Variants in CFAP251 observed in about 807,000 individuals in gnomAD.
CFAP251 encodes the protein cilia- and flagella-associated protein 251.
A neutral mutation model predicts 126.7 loss-of-function variants in CFAP251; 93 were observed. That is an observed-to-expected ratio of 0.73 (90% CI 0.62 to 0.87). The LOEUF (loss-of-function observed/expected upper bound fraction) is 0.87, where lower values mean the gene tolerates loss of function less well. CFAP251 is among the 40% of genes least tolerant of loss of function. The pLI, the probability that CFAP251 is intolerant of heterozygous loss-of-function variation, is 0.00. For missense variants in CFAP251, 1,287 were observed against 1,389.2 expected (o/e 0.93, Z 1.17); for synonymous variants, 503 against 506.9 (o/e 0.99, Z 0.10).
intron 3 of CFAP251, among the ~76,000 whole-genome samples, chr12:121,927,128 AT>A (rs149398646): frequency 0.013 from 1,941 of 150,564 alleles, 44 homozygotes; most frequent in African/African-American, 0.045. Context: ...CATGTACAAC[AT>A]GTTATCTGTG....
At chr12:121,940,740 GA>G (rs1881078439) in intron 5 of CFAP251, among the ~76,000 whole-genome samples, 1 of 152,124 alleles carries the variant, frequency 6.6e-6, no homozygotes, top group South Asian at 2.1e-4. Context: ...GGCTGTGTTG[GA>G]ATCATACAGC....
intron 20 of CFAP251, among the ~76,000 whole-genome samples, chr12:122,001,144 A>G (rs959805433): frequency 6.7e-5 from 10 of 148,910 alleles, no homozygotes; most frequent in African/African-American, 2.5e-4. Flanking sequence ...GCAACCTCCA[A>G]CTCCAGGGTT....
chr12:121,923,014 C>T (rs1444903157), intron 2 of CFAP251, among the ~76,000 whole-genome samples: 2 of 151,972 alleles, frequency 1.3e-5, no homozygotes, highest in East Asian at 3.9e-4. Flanking sequence ...CCAGGATGGT[C>T]TCGATCTCCT....
intron 20 of CFAP251, among the ~76,000 whole-genome samples, chr12:122,000,686 A>G (rs1288876212): frequency 6.6e-6 from 1 of 152,204 alleles, no homozygotes; most frequent in Non-Finnish European, 1.5e-5. Flanking sequence ...GAGGATGTCA[A>G]GTAAACTCTC....
At chr12:121,991,324 C>T (rs982380793) in intron 19 of CFAP251, among the ~76,000 whole-genome samples, 4 of 152,186 alleles carry the variant, frequency 2.6e-5, no homozygotes, top group South Asian at 2.1e-4. Context: ...AGAATTAGAG[C>T]GTGCACCGCA....
intron 7 of CFAP251, among the ~76,000 whole-genome samples, chr12:121,947,464 C>A (rs986460010): frequency 2.0e-5 from 3 of 151,804 alleles, no homozygotes; most frequent in Admixed American, 1.3e-4. Flanking sequence ...TTTTTCTTTT[C>A]TTTTCTTTTC....
chr12:121,957,349 C>A (rs751893517), intron 11 of CFAP251, 81 bp downstream of exon 11: 60 of 1,363,418 alleles, frequency 4.4e-5, no homozygotes, highest in Non-Finnish European at 7.0e-6. Context: ...GTGGGAGGTT[C>A]GTGTTGTTCC....
At chr12:121,958,781 C>T (rs540812189) in intron 12 of CFAP251, among the ~76,000 whole-genome samples, 162 bp from the exon 13 acceptor site, 37 of 152,386 alleles carry the variant, frequency 2.4e-4, no homozygotes, top group South Asian at 1.4e-3. Context: ...CGTCTCTGCG[C>T]GCTCACCCCA....
chr12:121,965,279 T>C (rs1882081873), intron 15 of CFAP251, among the ~76,000 whole-genome samples: 3 of 152,218 alleles, frequency 2.0e-5, no homozygotes, highest in Non-Finnish European at 2.9e-5. Flanking sequence ...ATAAAAATGA[T>C]TGATAGTGCT....
chr12:121,924,766 G>T (rs974314236), intron 3 of CFAP251, among the ~76,000 whole-genome samples: 2 of 152,048 alleles, frequency 1.3e-5, no homozygotes, highest in African/African-American at 4.8e-5. Flanking sequence ...TAAGAGCTCC[G>T]ACTGGAACAC....
At chr12:121,962,624 G>T (rs1881977495) in intron 15 of CFAP251, among the ~76,000 whole-genome samples, 1 of 151,940 alleles carries the variant, frequency 6.6e-6, no homozygotes, top group African/African-American at 2.4e-5. Context: ...TTACATGTTG[G>T]CGGGGGCAGG....
chr12:121,959,150 A>G (rs1372149650), intron 13 of CFAP251, 56 bp downstream of exon 13: 10 of 1,512,690 alleles, frequency 6.6e-6, no homozygotes, highest in East Asian at 2.3e-5. Context: ...TTTGAAACCA[A>G]AAGAGGCCAG....
At chr12:122,002,710 C>G (rs756704365) in intron 21 of CFAP251, among the ~76,000 whole-genome samples, 4 of 152,092 alleles carry the variant, frequency 2.6e-5, no homozygotes, top group Admixed American at 1.3e-4. Flanking sequence ...TGCACTGGAC[C>G]TGAAGTTAGG....
intron 14 of CFAP251, among the ~76,000 whole-genome samples, chr12:121,961,174 AC>A (rs1476600907): frequency 6.6e-6 from 1 of 152,118 alleles, no homozygotes; most frequent in African/African-American, 2.4e-5. Flanking sequence ...GGATGGGCAA[AC>A]GCAATATTAC....
In CFAP251 at chr12:121,974,494, G is replaced by A. The variant is rs143174226; in HGVS notation, c.2772-750G>A. Among the ~76,000 whole-genome samples the A allele has an allele frequency of 5.9e-4, 90 of 152,206 alleles. No homozygotes were observed. The highest frequency in any genetic ancestry group is 2.1e-3 in the African/African-American group (88 of 41,512). Reference sequence around the variant, plus strand: ...CACACAGCTTGCCAGGGGTAGAGCCGGGACTTGCACACATGTCCGTGTGAC... The same window carrying A: ...CACACAGCTTGCCAGGGGTAGAGCCAGGACTTGCACACATGTCCGTGTGAC... On this transcript the variant is annotated intron_variant, in intron 17 of 21. Coordinates refer to ENST00000288912, the MANE Select transcript of CFAP251 (RefSeq NM_144668.6). This position sits in a 1 kb window ranked among gnomAD's most constrained non-coding sequence, Gnocchi z 4.6.
chr12:121,980,881 G>A (rs1237413641), intron 19 of CFAP251, among the ~76,000 whole-genome samples: 2 of 152,242 alleles, frequency 1.3e-5, no homozygotes, highest in Admixed American at 1.3e-4. Flanking sequence ...CCTGGCTGCA[G>A]TTCCCAGCCT....
intron 7 of CFAP251, chr12:121,947,943 T>C (rs766271369): frequency 2.0e-5 from 3 of 152,198 alleles, no homozygotes; most frequent in African/African-American, 4.8e-5. Context: ...AGGTAAGGAA[T>C]AGGCGTGGAG....
chr12:121,919,578 C>T (rs1880073200), intron 1 of CFAP251, among the ~76,000 whole-genome samples: 1 of 152,154 alleles, frequency 6.6e-6, no homozygotes, highest in South Asian at 2.1e-4. Flanking sequence ...TCATTTTGCC[C>T]ATGAGAAAAT....
chr12:121,969,254 CT>C, intron 17 of CFAP251: 1 of 985,428 alleles, frequency 1.0e-6, no homozygotes. Context: ...CCGGTTAAAT[CT>C]GCTTTGGAAC....
Sources: allele counts gnomAD v4.1 joint callset (sites outside exome capture counted in the v4.1 genomes callset), GRCh38; gene constraint gnomAD v4.1.1; non-coding constraint Gnocchi (gnomAD v3.1); transcripts MANE v1.5; gene names NCBI Gene and HGNC (gene_info 2026-07-23, HGNC 2026-07-21).